Variants in NCAM1 observed in about 807,000 individuals in gnomAD.
NCAM1 encodes the protein antigen recognized by monoclonal antibody 5.1H11.
Under a neutral mutation model 109.8 loss-of-function variants are expected in NCAM1, and 14 were observed. The observed-to-expected ratio is 0.13, with a 90% CI of 0.08 to 0.20. The LOEUF (loss-of-function observed/expected upper bound fraction) is 0.20, where lower values mean the gene tolerates loss of function less well. NCAM1 is among the 10% of genes least tolerant of loss of function. NCAM1 has a pLI of 1.00. For missense variants in NCAM1, 774 were observed against 1,109.9 expected, an observed-to-expected ratio of 0.70 and a Z score of 4.30; for synonymous variants, 418 against 442.9, an observed-to-expected ratio of 0.94 and a Z score of 0.70.
At chr11:113,235,576 G>A (rs1345716713) in intron 14 of NCAM1, among the ~76,000 whole-genome samples, 2 of 152,194 alleles carry the variant, frequency 1.3e-5, no homozygotes, top group African/African-American at 2.4e-5. Flanking sequence ...TTCACATAAT[G>A]CATTGCGGGA....
chr11:113,029,914 A>G (rs1952662267), intron 1 of NCAM1, among the ~76,000 whole-genome samples: 1 of 152,146 alleles, frequency 6.6e-6, no homozygotes, highest in African/African-American at 2.4e-5. Flanking sequence ...TGCCTCAGGT[A>G]TGGTGGAAAA....
intron 7 of NCAM1, among the ~76,000 whole-genome samples, chr11:113,213,880 C>G (rs1555113978): frequency 1.3e-5 from 2 of 152,238 alleles, no homozygotes; most frequent in African/African-American, 4.8e-5. Flanking sequence ...TGGGCCTCCA[C>G]CAGGCACCAG....
intron 1 of NCAM1, among the ~76,000 whole-genome samples, chr11:113,028,502 A>C (rs1336130879): frequency 6.6e-6 from 1 of 151,406 alleles, no homozygotes; most frequent in Non-Finnish European, 1.5e-5. Context: ...TACTAAACCA[A>C]ATCTATGAAT....
intron 1 of NCAM1, among the ~76,000 whole-genome samples, chr11:113,078,440 A>T (rs184352185): frequency 2.6e-5 from 4 of 151,840 alleles, no homozygotes; most frequent in Admixed American, 2.0e-4. Flanking sequence ...GAACATGCAC[A>T]TGTGTTTCGG....
chr11:113,000,815 TAC>T (rs1211703075), intron 1 of NCAM1, among the ~76,000 whole-genome samples: 3 of 52,526 alleles, frequency 5.7e-5, no homozygotes, highest in Admixed American at 3.0e-4. Context: ...GAATTATATA[TAC>T]ATATATATAT....
At chr11:113,240,666 C>G in intron 14 of NCAM1, 1 of 919,016 alleles carries the variant, frequency 1.1e-6, no homozygotes. Context: ...GTTCTTCCCA[C>G]TTTAACTCAC....
intron 1 of NCAM1, among the ~76,000 whole-genome samples, chr11:113,040,417 C>T (rs1555079810): frequency 6.6e-6 from 1 of 152,152 alleles, no homozygotes; most frequent in East Asian, 1.9e-4. Flanking sequence ...GGACAGCAAA[C>T]ATTTTCAGTA....
intron 1 of NCAM1, among the ~76,000 whole-genome samples, chr11:113,125,467 A>G (rs1164008326): frequency 2.0e-5 from 3 of 152,254 alleles, no homozygotes; most frequent in Non-Finnish European, 4.4e-5. Flanking sequence ...ATTAACATTT[A>G]TCGCCCTTAC....
At chr11:113,139,711 C>T (rs1941742924) in intron 1 of NCAM1, among the ~76,000 whole-genome samples, 1 of 151,854 alleles carries the variant, frequency 6.6e-6, no homozygotes, top group Admixed American at 6.6e-5. Flanking sequence ...TTATCTACAG[C>T]TTTCCAACAG....
At chr11:113,138,651 A>G (rs1555099891) in intron 1 of NCAM1, among the ~76,000 whole-genome samples, 1 of 152,196 alleles carries the variant, frequency 6.6e-6, no homozygotes, top group African/African-American at 2.4e-5. Context: ...TTTATTGCAT[A>G]ATAACACTCA....
At chr11:113,248,582 G>GT (rs1343592389) in intron 15 of NCAM1, among the ~76,000 whole-genome samples, 1 of 152,146 alleles carries the variant, frequency 6.6e-6, no homozygotes, top group East Asian at 1.9e-4. Context: ...TCTGCTGTCA[G>GT]TGGGTTGTAC....
intron 1 of NCAM1, among the ~76,000 whole-genome samples, chr11:113,140,788 T>G (rs1431611385): frequency 3.3e-5 from 5 of 152,232 alleles, no homozygotes; most frequent in African/African-American, 1.2e-4. Context: ...TATTTATTGT[T>G]TTATAAATTA....
chr11:113,275,233 G>T (rs999863732), intron 19 of NCAM1, 34 bp from the exon 20 acceptor site: 2 of 1,612,400 alleles, frequency 1.2e-6, no homozygotes, highest in Non-Finnish European at 1.7e-6. Flanking sequence ...GCAGACCGTG[G>T]TCTCAGTGGT....
At chr11:113,040,883 G>A (rs556548331) in intron 1 of NCAM1, 1 of 152,142 alleles carries the variant, frequency 6.6e-6, no homozygotes, top group East Asian at 1.9e-4. Context: ...TGTCTGGATG[G>A]TTTGGCTACT....
intron 19 of NCAM1, among the ~76,000 whole-genome samples, chr11:113,272,408 A>G (rs969343556): frequency 1.3e-5 from 2 of 152,094 alleles, no homozygotes; most frequent in African/African-American, 4.8e-5. Context: ...GGGAACCACA[A>G]AATCTGTGAC....
At chr11:113,056,465 A>G (rs1953717595) in intron 1 of NCAM1, among the ~76,000 whole-genome samples, 1 of 152,220 alleles carries the variant, frequency 6.6e-6, no homozygotes, top group African/African-American at 2.4e-5. Context: ...TTTGATCATT[A>G]CACATTGTAT....
chr11:113,088,745 CT>C (rs1939204989), intron 1 of NCAM1, among the ~76,000 whole-genome samples: 1 of 152,038 alleles, frequency 6.6e-6, no homozygotes, highest in South Asian at 2.1e-4. Flanking sequence ...TTCTAGGTTG[CT>C]TTTAAATGTA....
intron 17 of NCAM1, among the ~76,000 whole-genome samples, chr11:113,266,453 C>G (rs1946135287): frequency 6.6e-6 from 1 of 152,178 alleles, no homozygotes; most frequent in African/African-American, 2.4e-5. Context: ...TACCTTAGGT[C>G]AAGTTTGTTT....
At chr11:113,036,034 G>T (rs868963444) in intron 1 of NCAM1, among the ~76,000 whole-genome samples, 51 of 151,832 alleles carry the variant, frequency 3.4e-4, no homozygotes, top group African/African-American at 1.2e-3. Flanking sequence ...CCTGTCCTGG[G>T]TGCCTGGGAG....
Sources: gnomAD v4.1 joint callset for allele counts (sites outside exome capture counted in the v4.1 genomes callset) on GRCh38, gnomAD v4.1.1 for gene constraint, MANE v1.5 for transcripts, NCBI Gene and HGNC (gene_info 2026-07-23, HGNC 2026-07-21) for gene names.